Variants in IGF2BP3 observed in about 807,000 individuals in gnomAD.
IGF2BP3 encodes the protein insulin-like growth factor 2 mRNA-binding protein 3.
Under a neutral mutation model 73.8 loss-of-function variants are expected in IGF2BP3, and 9 were observed. That is an observed-to-expected ratio of 0.12 (90% confidence interval 0.07 to 0.21). The LOEUF is 0.21. Among genes scored for constraint, IGF2BP3 ranks in the 10% least tolerant of loss-of-function variants. IGF2BP3 has a pLI of 1.00. For synonymous variants in IGF2BP3, 258 were observed against 256.7 expected, an observed-to-expected ratio of 1.01 and a Z score of -0.05; for missense variants, 542 against 714.0, an observed-to-expected ratio of 0.76 and a Z score of 2.75.
At chr7:23,446,795 T>C (rs530907141) in intron 2 of IGF2BP3, among the ~76,000 whole-genome samples, 14 of 152,218 alleles carry the variant, frequency 9.2e-5, no homozygotes, top group Non-Finnish European at 1.9e-4. Context: ...CAGACACTAC[T>C]TAACCAATTG....
At chr7:23,391,327 C>T (rs141849982) in intron 3 of IGF2BP3, among the ~76,000 whole-genome samples, 2,047 of 150,650 alleles carry the variant, frequency 0.014, 42 homozygotes, top group African/African-American at 0.046. Context: ...CTCGAATTCC[C>T]GACTTCAAAT....
At chr7:23,463,885 C>T (rs571155820) in intron 2 of IGF2BP3, among the ~76,000 whole-genome samples, 7 of 152,304 alleles carry the variant, frequency 4.6e-5, no homozygotes, top group East Asian at 1.9e-4. Flanking sequence ...GGCAATCCCA[C>T]GCTGATCTTA....
chr7:23,371,026 T>C (rs377397512), intron 3 of IGF2BP3, among the ~76,000 whole-genome samples: 7 of 152,188 alleles, frequency 4.6e-5, no homozygotes, highest in African/African-American at 1.7e-4. Flanking sequence ...CAAACAGGTA[T>C]TTGTCAGGAA....
chr7:23,329,901 G>C (rs543133826), intron 10 of IGF2BP3, among the ~76,000 whole-genome samples: 41 of 152,314 alleles, frequency 2.7e-4, no homozygotes, highest in African/African-American at 9.6e-4. Flanking sequence ...CCACCTGGTG[G>C]AGCCACGATT....
chr7:23,435,090 T>C (rs1787776387), intron 2 of IGF2BP3, among the ~76,000 whole-genome samples: 1 of 151,704 alleles, frequency 6.6e-6, no homozygotes, highest in African/African-American at 2.4e-5. Context: ...GGTCAGGAGA[T>C]GAGACCATCC....
intron 3 of IGF2BP3, among the ~76,000 whole-genome samples, chr7:23,397,681 T>TA (rs1173852913): frequency 6.6e-6 from 1 of 152,230 alleles, no homozygotes; most frequent in Non-Finnish European, 1.5e-5. Context: ...GAACTTTATC[T>TA]TAATGTATTT....
chr7:23,398,831 T>C (rs1406739694), intron 3 of IGF2BP3, among the ~76,000 whole-genome samples: 1 of 152,214 alleles, frequency 6.6e-6, no homozygotes, highest in Non-Finnish European at 1.5e-5. Flanking sequence ...ATGAGTAGGT[T>C]GCAAAAATTT....
At chr7:23,438,174 C>T (rs1265976956) in intron 2 of IGF2BP3, among the ~76,000 whole-genome samples, 1 of 152,216 alleles carries the variant, frequency 6.6e-6, no homozygotes, top group East Asian at 1.9e-4. Flanking sequence ...GGCTGAAGTG[C>T]AGTGCCACGA....
chr7:23,441,211 C>T (rs1252684622), intron 2 of IGF2BP3, among the ~76,000 whole-genome samples: 2 of 152,042 alleles, frequency 1.3e-5, no homozygotes, highest in Non-Finnish European at 2.9e-5. Flanking sequence ...GTGGAAGGAT[C>T]GCTTGAGGCC....
chr7:23,364,439 T>C (rs1488745853), intron 3 of IGF2BP3, among the ~76,000 whole-genome samples: 2 of 149,920 alleles, frequency 1.3e-5, no homozygotes, highest in African/African-American at 4.9e-5. Flanking sequence ...TACCAGCTAC[T>C]TGGGAGGCCG....
At chr7:23,359,542 T>C (rs1293631496) in intron 5 of IGF2BP3, among the ~76,000 whole-genome samples, 1 of 152,178 alleles carries the variant, frequency 6.6e-6, no homozygotes, top group African/African-American at 2.4e-5. Context: ...GTATTCAGTA[T>C]AAATCTTTGT....
At chr7:23,326,617 C>T (rs369290550) in intron 10 of IGF2BP3, among the ~76,000 whole-genome samples, 85 of 151,306 alleles carry the variant, frequency 5.6e-4, no homozygotes, top group African/African-American at 2.0e-3. Context: ...CACATGCACA[C>T]GTATGTTTAT....
intron 3 of IGF2BP3, among the ~76,000 whole-genome samples, chr7:23,369,515 G>C (rs1322947548): frequency 6.6e-6 from 1 of 152,012 alleles, no homozygotes; most frequent in African/African-American, 2.4e-5. Context: ...CCTATGCTTT[G>C]GTGTTTGCTT....
At chr7:23,452,872 G>C (rs1280754543) in intron 2 of IGF2BP3, among the ~76,000 whole-genome samples, 2 of 150,664 alleles carry the variant, frequency 1.3e-5, no homozygotes, top group African/African-American at 4.9e-5. Flanking sequence ...CCAGCACTTT[G>C]GGAGGCCGAG....
At chr7:23,344,132 C>T (rs1053629852) in intron 8 of IGF2BP3, among the ~76,000 whole-genome samples, 2 of 152,210 alleles carry the variant, frequency 1.3e-5, no homozygotes, top group Admixed American at 1.3e-4. Context: ...AAGCTTACTT[C>T]TCAACCGCTT....
intron 3 of IGF2BP3, chr7:23,415,531 C>A: frequency 3.7e-6 from 1 of 269,904 alleles, no homozygotes. Flanking sequence ...AGGTCCCGTC[C>A]GTCAGTCGGC....
intron 3 of IGF2BP3, among the ~76,000 whole-genome samples, chr7:23,366,842 T>G (rs972235649): frequency 1.3e-5 from 2 of 152,180 alleles, no homozygotes; most frequent in African/African-American, 4.8e-5. Flanking sequence ...TGAACTGTAC[T>G]ATAGTAATCC....
intron 10 of IGF2BP3, among the ~76,000 whole-genome samples, chr7:23,328,685 T>C (rs1784366092): frequency 6.6e-6 from 1 of 152,214 alleles, no homozygotes; most frequent in Non-Finnish European, 1.5e-5. Flanking sequence ...AGAATTTGTC[T>C]AGGAATTACC....
intron 3 of IGF2BP3, among the ~76,000 whole-genome samples, chr7:23,373,083 C>A (rs1379872570): frequency 6.6e-6 from 1 of 152,156 alleles, no homozygotes; most frequent in Non-Finnish European, 1.5e-5. Context: ...CTTACTCGGC[C>A]ATTACCTGCA....
Sources: gnomAD v4.1 joint callset for allele counts (sites outside exome capture counted in the v4.1 genomes callset) on GRCh38, gnomAD v4.1.1 for gene constraint, MANE v1.5 for transcripts, NCBI Gene and HGNC (gene_info 2026-07-23, HGNC 2026-07-21) for gene names.